The following CREM variants were observed in gnomAD, a reference collection of about 807,000 sequenced individuals.
The protein encoded by CREM is cAMP responsive element modulator, also known as cAMP-responsive element modulator.
Under a neutral mutation model 37.3 loss-of-function variants are expected in CREM, and 13 were observed. The observed-to-expected ratio is 0.35, with a 90% CI of 0.23 to 0.55. CREM has a LOEUF of 0.55. Among genes scored for constraint, CREM ranks in the 20% least tolerant of loss-of-function variants. The pLI is 0.88. For synonymous variants in CREM, 124 were observed against 120.2 expected (o/e 1.03, Z -0.21); for missense variants, 296 against 362.3 (o/e 0.82, Z 1.49).
chr10:35,180,124 T>C (rs978485027), intron 5 of CREM, among the ~76,000 whole-genome samples: 4 of 152,196 alleles, frequency 2.6e-5, no homozygotes, highest in African/African-American at 9.6e-5. Flanking sequence ...GTGAGTTTTG[T>C]AAACTCTGCT....
intron 2 of CREM, among the ~76,000 whole-genome samples, chr10:35,138,526 A>ATTT (rs752036917): frequency 2.9e-5 from 4 of 136,924 alleles, no homozygotes; most frequent in Admixed American, 7.4e-5. Flanking sequence ...AAATTTTAGA[A>ATTT]TTTTTTTTTT....
intron 6 of CREM, chr10:35,195,781 T>G (rs185708006): frequency 1.2e-5 from 6 of 489,360 alleles, no homozygotes; most frequent in African/African-American, 2.0e-5. Flanking sequence ...AAGGCTGATG[T>G]CATTACATTT....
intron 6 of CREM, among the ~76,000 whole-genome samples, chr10:35,195,606 G>T (rs962431450): frequency 6.6e-6 from 1 of 151,970 alleles, no homozygotes; most frequent in Non-Finnish European, 1.5e-5. Context: ...CAATCTAGCC[G>T]CAGATTAAAC....
At chr10:35,208,045 C>T (rs964126528) in intron 7 of CREM, among the ~76,000 whole-genome samples, 4 of 152,080 alleles carry the variant, frequency 2.6e-5, no homozygotes, top group East Asian at 1.9e-4. Context: ...GGTGATAAGT[C>T]GAATTTTTTA....
At position 35,137,865 on chromosome 10, in the gene CREM, T is replaced by C. The variant is rs1418960362; in HGVS notation, c.30T>C (p.Ile10=). The change falls in exon 2 of 8, where the codon ATT becomes ATC. Residue 10 remains isoleucine, a synonymous_variant. Coordinates refer to ENST00000685392, the MANE Select transcript of CREM (RefSeq NM_183011.2). MSKCARKKY[I]KTNPRQMTME... is the part of the protein sequence containing the mutation. ...GCAAATGTGCAAGGAAAAAATATATTAAGACAAATCCAAGGTAGGTAGATG... is the reference window on the plus strand; with the variant it reads ...GCAAATGTGCAAGGAAAAAATATATCAAGACAAATCCAAGGTAGGTAGATG... 6.3e-7 allele frequency: 1 copy of C among 1,590,862 alleles called. No homozygotes were observed.
intron 3 of CREM, chr10:35,167,448 A>G (rs1189907375): frequency 1.0e-5 from 4 of 388,968 alleles, no homozygotes; most frequent in African/African-American, 8.2e-5. Context: ...TTCACATTTT[A>G]AAATCCTTTA....
rs950056505 is a variant in CREM at position 35,185,187 on chromosome 10, C to T, written c.410-3013C>T. ...GTGCAATCTCTGCTCACCGCAACCC[C>T]CGCCTCCCAGATTCAAGCGATTCTC... On this transcript the variant is annotated intron_variant, in intron 5 of 7. Coordinates refer to ENST00000685392, the MANE Select transcript of CREM (RefSeq NM_183011.2). Among the ~76,000 whole-genome samples the T allele has an allele frequency of 3.9e-5, 6 of 151,940 alleles. No individual in the cohort carries two copies. In the East Asian group the frequency reaches 1.2e-3, roughly 29 times the overall value.
chr10:35,142,056 T>G (rs561707141), intron 2 of CREM, among the ~76,000 whole-genome samples: 1 of 152,308 alleles, frequency 6.6e-6, no homozygotes, highest in East Asian at 1.9e-4. Context: ...TAGAAACCTC[T>G]CTAAACTTGG....
chr10:35,143,447 G>A (rs2091704640), intron 2 of CREM, among the ~76,000 whole-genome samples: 1 of 152,174 alleles, frequency 6.6e-6, no homozygotes, highest in African/African-American at 2.4e-5. Flanking sequence ...TGTAGGCAGA[G>A]TGGAATGTTG....
chr10:35,137,351 T>C (rs962388639), intron 1 of CREM, among the ~76,000 whole-genome samples: 5 of 152,286 alleles, frequency 3.3e-5, no homozygotes, highest in Admixed American at 6.5e-5. Context: ...CTTTTTTGCA[T>C]TGGAGTGAAA....
rs115988134 is a variant in CREM, at chr10:35,181,812, G to A, written c.409+2536G>A. Among the ~76,000 whole-genome samples, 676 of 152,310 alleles carry A rather than the reference G, an allele frequency of 4.4e-3. 7 individuals are homozygous for A. Among genetic ancestry groups the A allele is most frequent in the African/African-American group, 0.015 (627 of 41,576 alleles). On this transcript the variant is annotated intron_variant, in intron 5 of 7. Transcript: ENST00000685392. ...TCTCTGAGCCCAGGAGTTTGAGGCT[G>A]CAGTGAGTTATGATTGCACCACTGC...
chr10:35,187,228 A>T (rs1245328200), intron 5 of CREM, among the ~76,000 whole-genome samples: 67 of 108,988 alleles, frequency 6.1e-4, no homozygotes, highest in African/African-American at 2.0e-3. Context: ...TATATATATA[A>T]AATATATAAT....
intron 3 of CREM, among the ~76,000 whole-genome samples, chr10:35,163,001 A>G (rs2093368528): frequency 6.6e-6 from 1 of 151,826 alleles, no homozygotes; most frequent in African/African-American, 2.4e-5. Context: ...ACTTGAGCCC[A>G]GGAGTTCAAG....
intron 3 of CREM, among the ~76,000 whole-genome samples, chr10:35,164,523 A>G (rs1229690537): frequency 6.6e-6 from 1 of 152,208 alleles, no homozygotes; most frequent in African/African-American, 2.4e-5. Context: ...GGTACTTTAG[A>G]TTTCTCCTAG....
chr10:35,159,398 A>G (rs2093150160), intron 3 of CREM, among the ~76,000 whole-genome samples: 1 of 152,210 alleles, frequency 6.6e-6, no homozygotes, highest in South Asian at 2.1e-4. Context: ...ATGGAACAGA[A>G]TATAAAGTCC....
chr10:35,201,635 T>C, intron 6 of CREM: 1 of 1,019,186 alleles, frequency 9.8e-7, no homozygotes, highest in Non-Finnish European at 1.4e-6. Flanking sequence ...TATTTGATAC[T>C]GAACCTAAAA....
chr10:35,159,966 T>C (rs946055490), intron 3 of CREM, among the ~76,000 whole-genome samples: 10 of 152,198 alleles, frequency 6.6e-5, no homozygotes, highest in African/African-American at 2.4e-4. Context: ...CATTCATCAC[T>C]TAACAACAGG....
chr10:35,204,011 G>T (rs576767658), intron 6 of CREM, among the ~76,000 whole-genome samples: 4 of 152,154 alleles, frequency 2.6e-5, no homozygotes, highest in Non-Finnish European at 5.9e-5. Context: ...ACCACCAGCT[G>T]TTCTATTGTT....
chr10:35,162,309 T>C (rs2093337907), intron 3 of CREM, among the ~76,000 whole-genome samples: 1 of 152,072 alleles, frequency 6.6e-6, no homozygotes, highest in Non-Finnish European at 1.5e-5. Context: ...TCCAAGAATA[T>C]ATAATTACAG....
Sources: gnomAD v4.1 joint callset for allele counts (sites outside exome capture counted in the v4.1 genomes callset) on GRCh38, gnomAD v4.1.1 for gene constraint, MANE v1.5 for transcripts, NCBI Gene and HGNC (gene_info 2026-07-23, HGNC 2026-07-21) for gene names.